Variants in PREX2 observed in about 807,000 individuals in gnomAD.
PREX2 encodes phosphatidylinositol 3,4,5-trisphosphate-dependent Rac exchanger 2 protein.
A neutral mutation model predicts 203.2 loss-of-function variants in PREX2; 107 were observed. The ratio of observed to expected loss-of-function variants is 0.53; its 90% CI spans 0.45 to 0.62. The LOEUF (loss-of-function observed/expected upper bound fraction) is 0.62, where lower values mean the gene tolerates loss of function less well. Among genes scored for constraint, PREX2 ranks in the 20% least tolerant of loss-of-function variants. The probability of loss-of-function intolerance (pLI) is 0.00; values close to 1 mark genes in which losing one functional copy is unlikely to be tolerated. For missense variants in PREX2, 1,777 were observed against 1,955.9 expected, an observed-to-expected ratio of 0.91 and a Z score of 1.72; for synonymous variants, 672 against 663.6, an observed-to-expected ratio of 1.01 and a Z score of -0.19.
At chr8:67,995,129 G>C (rs530029655) in intron 1 of PREX2, among the ~76,000 whole-genome samples, 1 of 151,702 alleles carries the variant, frequency 6.6e-6, no homozygotes, top group South Asian at 2.1e-4. Context: ...CATACATACT[G>C]GTAAATAATA....
At chr8:68,146,591 T>C (rs1563564997) in intron 34 of PREX2, among the ~76,000 whole-genome samples, 1 of 152,128 alleles carries the variant, frequency 6.6e-6, no homozygotes, top group South Asian at 2.1e-4. Flanking sequence ...TAGATAAAGA[T>C]AAAATAATTT....
At chr8:68,042,851 G>C (rs997888027) in intron 7 of PREX2, among the ~76,000 whole-genome samples, 1 of 151,900 alleles carries the variant, frequency 6.6e-6, no homozygotes, top group Non-Finnish European at 1.5e-5. Context: ...TGCAGCCTAA[G>C]AGAAATATAC....
At chr8:68,088,390 G>C (rs917567892) in intron 19 of PREX2, among the ~76,000 whole-genome samples, 1 of 152,136 alleles carries the variant, frequency 6.6e-6, no homozygotes, top group African/African-American at 2.4e-5. Flanking sequence ...GGAAATAACT[G>C]TCAGATCCCA....
Position 68,120,961 on chromosome 8 carries a change from A to T in PREX2, c.3636A>T (p.Lys1212Asn). The change falls in exon 30 of 40, where the codon AAA becomes AAT. Residue 1212 changes from lysine (K) to asparagine (N), a missense_variant. Physicochemically the swap from Lys to Asn is moderately conservative, Grantham distance 94. Transcript: ENST00000288368. ...TGGAACCAAAGCTGAGTTGTCCAAA[A>T]AGGCTACGGCTTCATATCAAGCAAG... Reference protein sequence around the residue: ...QEMEPKLSCPKRLRLHIKQDP... With the variant: ...QEMEPKLSCPNRLRLHIKQDP... 11 of 1,613,764 alleles carry T rather than the reference A, an allele frequency of 6.8e-6. No individual in the cohort carries two copies. Among genetic ancestry groups the T allele is most frequent in the Non-Finnish European group, 9.3e-6 (11 of 1,179,728 alleles).
intron 23 of PREX2, among the ~76,000 whole-genome samples, chr8:68,107,045 G>A (rs1435956933): frequency 6.6e-6 from 1 of 152,046 alleles, no homozygotes; most frequent in Non-Finnish European, 1.5e-5. Flanking sequence ...GCCTCATGGG[G>A]TTTACCATCT....
intron 35 of PREX2, among the ~76,000 whole-genome samples, chr8:68,172,251 C>CT (rs1268217948): frequency 2.6e-5 from 4 of 152,160 alleles, no homozygotes; most frequent in African/African-American, 7.2e-5. Flanking sequence ...TTGTGGATGT[C>CT]TTTCCTACAC....
intron 23 of PREX2, among the ~76,000 whole-genome samples, chr8:68,106,795 A>G (rs1256906742): frequency 6.6e-6 from 1 of 152,172 alleles, no homozygotes; most frequent in East Asian, 1.9e-4. Context: ...GAGTAAATAG[A>G]TAGGATCATG....
At chr8:68,010,914 A>G (rs1563498721) in intron 1 of PREX2, among the ~76,000 whole-genome samples, 1 of 152,210 alleles carries the variant, frequency 6.6e-6, no homozygotes, top group Admixed American at 6.5e-5. Context: ...AGAGACATCA[A>G]TGACCCGAAA....
intron 35 of PREX2, among the ~76,000 whole-genome samples, chr8:68,159,899 T>G (rs761305164): frequency 2.6e-5 from 4 of 152,186 alleles, no homozygotes; most frequent in Non-Finnish European, 5.9e-5. Flanking sequence ...AGTCAATTGT[T>G]TTGGCTTTAC....
chr8:67,978,327 C>A (rs1165186365), intron 1 of PREX2, among the ~76,000 whole-genome samples: 1 of 152,134 alleles, frequency 6.6e-6, no homozygotes, highest in Non-Finnish European at 1.5e-5. Flanking sequence ...GAGCAAGGGA[C>A]AGAATATTGC....
intron 23 of PREX2, among the ~76,000 whole-genome samples, chr8:68,101,852 A>G (rs905388752): frequency 4.6e-5 from 7 of 152,204 alleles, no homozygotes; most frequent in Non-Finnish European, 8.8e-5. Flanking sequence ...AGTAGCTTAA[A>G]GAAGTATACA....
intron 1 of PREX2, among the ~76,000 whole-genome samples, chr8:67,987,151 T>TA (rs1806455422): frequency 2.1e-5 from 1 of 48,278 alleles, no homozygotes; most frequent in Non-Finnish European, 3.4e-5. Flanking sequence ...AGACTTCATC[T>TA]CAAAAAAAAA....
intron 27 of PREX2, among the ~76,000 whole-genome samples, chr8:68,119,209 T>G (rs1391454473): frequency 6.6e-6 from 1 of 152,234 alleles, no homozygotes; most frequent in Non-Finnish European, 1.5e-5. Flanking sequence ...GAAAGAGTCT[T>G]TAACAAGTAT....
chr8:68,120,324 A>T (rs992458089), intron 29 of PREX2, 38 bp downstream of exon 29: 4 of 1,394,544 alleles, frequency 2.9e-6, no homozygotes, highest in Non-Finnish European at 4.1e-6. Flanking sequence ...AGCAATTGAG[A>T]AAAACAAGGT....
At chr8:68,000,426 C>T (rs1302001994) in intron 1 of PREX2, among the ~76,000 whole-genome samples, 1 of 152,014 alleles carries the variant, frequency 6.6e-6, no homozygotes, top group East Asian at 1.9e-4. Context: ...AATTACAAAC[C>T]ACTGCTCAAA....
At chr8:67,964,715 G>GA (rs535054455) in intron 1 of PREX2, among the ~76,000 whole-genome samples, 2 of 151,610 alleles carry the variant, frequency 1.3e-5, no homozygotes, top group South Asian at 2.1e-4. Flanking sequence ...GAAGTTTCCA[G>GA]AAAAAAAATT....
chr8:68,140,781 A>G (rs999024401), intron 33 of PREX2, among the ~76,000 whole-genome samples: 2 of 152,202 alleles, frequency 1.3e-5, no homozygotes, highest in Non-Finnish European at 2.9e-5. Context: ...ACATATGGCT[A>G]TACTAGTATT....
rs573936724 is a variant in PREX2, at chr8:67,989,947, G to T, written c.142-27899G>T. ...GGACCAATAATTTCTGAGTTTTAAGGCTTTGTAAACTGCTCATCTGTAAAA... is the reference window on the plus strand; with the variant it reads ...GGACCAATAATTTCTGAGTTTTAAGTCTTTGTAAACTGCTCATCTGTAAAA... On this transcript the variant is annotated intron_variant, in intron 1 of 39. Transcript: ENST00000288368. 2.6e-5 allele frequency among the ~76,000 whole-genome samples: 4 copies of T among 152,140 alleles called. No individual in the cohort carries two copies. In the East Asian group the frequency reaches 7.7e-4, roughly 29 times the overall value.
chr8:67,985,470 C>A (rs1459340177), intron 1 of PREX2, among the ~76,000 whole-genome samples: 1 of 152,138 alleles, frequency 6.6e-6, no homozygotes, highest in Admixed American at 6.5e-5. Flanking sequence ...CCCAAGTTTT[C>A]TTTTTAAAAA....
Sources: gnomAD v4.1 joint callset for allele counts (sites outside exome capture counted in the v4.1 genomes callset) on GRCh38, gnomAD v4.1.1 for gene constraint, MANE v1.5 for transcripts, NCBI Gene and HGNC (gene_info 2026-07-23, HGNC 2026-07-21) for gene names.